CEP112: variants seen among roughly 807,000 people sequenced by gnomAD.
CEP112 encodes centrosomal protein 112, also known as centrosomal protein of 112 kDa.
CEP112 carries 127 observed loss-of-function variants against 153.0 expected under a neutral mutation model. The observed-to-expected ratio is 0.83, with a 90% CI of 0.72 to 0.96. The LOEUF is 0.96. Among genes scored for constraint, CEP112 ranks in the 40% least tolerant of loss-of-function variants. The pLI, the probability that CEP112 is intolerant of heterozygous loss-of-function variation, is 0.00. For synonymous variants in CEP112, 358 were observed against 374.4 expected, an observed-to-expected ratio of 0.96 and a Z score of 0.51; for missense variants, 1,089 against 1,101.2, an observed-to-expected ratio of 0.99 and a Z score of 0.16.
chr17:66,103,000 G>T (rs1371631062), intron 6 of CEP112, among the ~76,000 whole-genome samples: 2 of 151,664 alleles, frequency 1.3e-5, no homozygotes, highest in Admixed American at 1.3e-4. Context: ...GAGCTGGGCA[G>T]ATCACCTGAG....
At chr17:65,807,001 C>T (rs981765803) in intron 21 of CEP112, among the ~76,000 whole-genome samples, 4 of 152,156 alleles carry the variant, frequency 2.6e-5, no homozygotes, top group South Asian at 2.1e-4. Flanking sequence ...GATGTGGGAA[C>T]GTTTGGAACC....
At chr17:65,996,474 T>A (rs1248601680) in intron 17 of CEP112, among the ~76,000 whole-genome samples, 1 of 152,222 alleles carries the variant, frequency 6.6e-6, no homozygotes, top group African/African-American at 2.4e-5. Flanking sequence ...TGTCGAAGTT[T>A]ATTAACTGTG....
chr17:65,660,752 T>C (rs577934082), intron 24 of CEP112, among the ~76,000 whole-genome samples: 1 of 152,076 alleles, frequency 6.6e-6, no homozygotes, highest in Admixed American at 6.6e-5. Context: ...TTTTGCCATG[T>C]TGCCCAGCCC....
rs527947513 is a variant in CEP112 at position 66,062,861 on chromosome 17, A to C, written c.1074+102T>G. On this transcript the variant is annotated intron_variant, in intron 11 of 26. Transcript: ENST00000535342. ...AGCCTGGAATTTTAGTTATTTTTTA[A>C]ACTTTTCTGTATATTCTGTGAAATC... 50 of 534,172 alleles carry C rather than the reference A, an allele frequency of 9.4e-5. No individual in the cohort carries two copies. The East Asian group carries it at 1.7e-3, about 18-fold the overall frequency. The allele number at this position is 534,172 out of a possible 1,614,324, so 33.1% of individuals were successfully genotyped here.
intron 21 of CEP112, among the ~76,000 whole-genome samples, chr17:65,839,470 T>TAA (rs34555952): frequency 5.2e-4 from 75 of 145,080 alleles, no homozygotes; most frequent in East Asian, 1.6e-3. Context: ...CCTTTATGAT[T>TAA]AAAAAAAAAA....
At chr17:65,710,240 C>T (rs1447923825) in intron 23 of CEP112, among the ~76,000 whole-genome samples, 1 of 152,126 alleles carries the variant, frequency 6.6e-6, no homozygotes, top group Non-Finnish European at 1.5e-5. Flanking sequence ...TACTGAAATT[C>T]GATTTCTTCT....
chr17:65,991,630 A>C (rs2145258133), intron 17 of CEP112, among the ~76,000 whole-genome samples: 1 of 152,250 alleles, frequency 6.6e-6, no homozygotes, highest in East Asian at 1.9e-4. Context: ...AAAATTTCTT[A>C]TGAAGGAGAC....
At chr17:66,009,198 T>C (rs1382102346) in intron 16 of CEP112, among the ~76,000 whole-genome samples, 7 of 18,704 alleles carry the variant, frequency 3.7e-4, no homozygotes, top group Non-Finnish European at 3.7e-3. Context: ...TTTGTGTGTG[T>C]GTGTGTGTGT....
At chr17:65,901,012 C>G (rs996397742) in intron 20 of CEP112, among the ~76,000 whole-genome samples, 1 of 152,168 alleles carries the variant, frequency 6.6e-6, no homozygotes, top group Non-Finnish European at 1.5e-5. Flanking sequence ...ATATAGAAGA[C>G]AACTCAAGGT....
intron 20 of CEP112, among the ~76,000 whole-genome samples, chr17:65,882,653 T>TAGTC (rs2059125720): frequency 6.6e-6 from 1 of 152,220 alleles, no homozygotes; most frequent in Non-Finnish European, 1.5e-5. Context: ...AGACAACATA[T>TAGTC]AGTCCCTCCT....
intron 8 of CEP112, among the ~76,000 whole-genome samples, chr17:66,094,039 G>T (rs1018191878): frequency 6.6e-6 from 1 of 151,962 alleles, no homozygotes; most frequent in African/African-American, 2.4e-5. Context: ...AGTGTCAACT[G>T]ATTTTCATTA....
At chr17:65,750,788 G>A (rs2051790720) in intron 21 of CEP112, 64 bp from the exon 22 acceptor site, 2 of 1,460,994 alleles carry the variant, frequency 1.4e-6, no homozygotes, top group Non-Finnish European at 1.9e-6. Context: ...TCTTCCACAT[G>A]CCTATCACCA....
chr17:65,989,496 A>T (rs1598026651), intron 17 of CEP112, among the ~76,000 whole-genome samples: 1 of 151,852 alleles, frequency 6.6e-6, no homozygotes, highest in Non-Finnish European at 1.5e-5. Context: ...AAACTGTCAT[A>T]CAAAAATGCT....
intron 22 of CEP112, among the ~76,000 whole-genome samples, chr17:65,743,966 T>C (rs1469291620): frequency 1.3e-5 from 2 of 152,124 alleles, no homozygotes; most frequent in Non-Finnish European, 2.9e-5. Flanking sequence ...TTTCATAATG[T>C]TGATCAGGCT....
At chr17:66,079,421 C>A (rs1224947746) in intron 8 of CEP112, among the ~76,000 whole-genome samples, 2 of 152,110 alleles carry the variant, frequency 1.3e-5, no homozygotes, top group African/African-American at 4.8e-5. Flanking sequence ...AAACCTATTA[C>A]AACTATATGG....
At chr17:65,982,086 C>T (rs1038835968) in intron 17 of CEP112, among the ~76,000 whole-genome samples, 5 of 151,850 alleles carry the variant, frequency 3.3e-5, no homozygotes, top group Middle Eastern at 6.8e-3. Flanking sequence ...TTTGTAGGTA[C>T]ATAATAGGTA....
intron 24 of CEP112, among the ~76,000 whole-genome samples, chr17:65,641,757 A>C (rs937784851): frequency 2.6e-5 from 4 of 152,132 alleles, no homozygotes; most frequent in South Asian, 4.2e-4. Flanking sequence ...CAAAACCCCC[A>C]AAAATCCCTA....
chr17:66,130,526 A>T (rs761810708), intron 5 of CEP112, among the ~76,000 whole-genome samples: 45 of 152,278 alleles, frequency 3.0e-4, no homozygotes, highest in Non-Finnish European at 5.0e-4. Flanking sequence ...CTGTAATCCC[A>T]GCACTTTGGG....
chr17:66,120,928 A>G (rs1052135242), intron 6 of CEP112, among the ~76,000 whole-genome samples: 3 of 152,024 alleles, frequency 2.0e-5, no homozygotes, highest in Non-Finnish European at 4.4e-5. Context: ...GTTTCTTTAG[A>G]TGGGGGTTTA....
Sources: gnomAD v4.1 joint callset for allele counts (sites outside exome capture counted in the v4.1 genomes callset) on GRCh38, gnomAD v4.1.1 for gene constraint, MANE v1.5 for transcripts, NCBI Gene and HGNC (gene_info 2026-07-23, HGNC 2026-07-21) for gene names.